PALB2: variants seen among roughly 807,000 people sequenced by gnomAD.
PALB2 encodes partner and localizer of BRCA2, also known as mutant partner and localizer of BRCA2.
PALB2 carries 82 observed loss-of-function variants against 107.4 expected under a neutral mutation model. The ratio of observed to expected loss-of-function variants is 0.76; its 90% CI spans 0.64 to 0.92. The LOEUF is 0.92. Among genes scored for constraint, PALB2 ranks in the 40% least tolerant of loss-of-function variants. The pLI is 0.00. For synonymous variants in PALB2, 489 were observed against 496.8 expected, an observed-to-expected ratio of 0.98 and a Z score of 0.21; for missense variants, 1,374 against 1,379.9, an observed-to-expected ratio of 1.00 and a Z score of 0.07.
At chr16:23,621,825 G>C (rs992713420) in intron 9 of PALB2, among the ~76,000 whole-genome samples, 3 of 151,992 alleles carry the variant, frequency 2.0e-5, no homozygotes, top group South Asian at 2.1e-4. Context: ...CACCTAGACT[G>C]GGGGGAAGGA....
At position 23,634,949 on chromosome 16, in the gene PALB2, T is replaced by C. The variant is rs1393117824; in HGVS notation, c.1597A>G (p.Thr533Ala). The C allele has an allele frequency of 4.3e-6, 7 of 1,614,064 alleles. No individual in the cohort carries two copies. The highest frequency in any genetic ancestry group is 1.1e-5 in the South Asian group (1 of 91,092). Residue 533 changes from threonine to alanine, a missense_variant, in exon 4 of 13, where the codon ACT (threonine) becomes GCT (alanine). Physicochemically the swap from Thr to Ala is moderately conservative, Grantham distance 58. Transcript: ENST00000261584. ...CTGTTAACAATCGACAGGCTAGAAG[T>C]TGGCAAAAGTGGTTCACAATGATCT... ...ASDHCEPLLP[T>A]SSLSIVNRSK...
chr16:23,629,524 C>T (rs944184327), intron 5 of PALB2, 116 bp downstream of exon 5: 5 of 1,046,018 alleles, frequency 4.8e-6, no homozygotes, highest in Non-Finnish European at 7.3e-6. Context: ...ATCAAAGAAA[C>T]ACGTCAAACC....
chr16:23,621,103 G>A (rs1344345508), intron 10 of PALB2, among the ~76,000 whole-genome samples: 1 of 152,112 alleles, frequency 6.6e-6, no homozygotes, highest in Non-Finnish European at 1.5e-5. Flanking sequence ...CCAGCTACTC[G>A]GGAGGCTGAG....
At chr16:23,614,881 A>T (rs1229087652) in intron 10 of PALB2, among the ~76,000 whole-genome samples, 1 of 147,998 alleles carries the variant, frequency 6.8e-6, no homozygotes, top group African/African-American at 2.5e-5. Flanking sequence ...TGATCTCCTG[A>T]CCTCGTGATC....
chr16:23,630,521 C>G (rs1221707621), intron 4 of PALB2, 52 bp from the exon 5 acceptor site: 3 of 1,352,504 alleles, frequency 2.2e-6, no homozygotes, highest in Non-Finnish European at 3.1e-6. Context: ...ACAAAACAGA[C>G]AATCTGTTTC....
At chr16:23,628,096 C>T (rs1040326548) in intron 6 of PALB2, among the ~76,000 whole-genome samples, 2 of 152,122 alleles carry the variant, frequency 1.3e-5, no homozygotes, top group African/African-American at 4.8e-5. Context: ...TGGTGGCGCA[C>T]ACTTGTAATC....
chr16:23,629,946 G>A lies in PALB2; in HGVS notation c.2208C>T (p.Ala736=), dbSNP rs369113809. The change falls in exon 5 of 13, where the codon GCC becomes GCT. Residue 736 remains alanine (A), a synonymous_variant. Coordinates refer to ENST00000261584, the MANE Select transcript of PALB2 (RefSeq NM_024675.4). ...TTTCATAGGAGCCTTGAGGGCCAAA[G>A]GCTGGAGTAGTACCTAAGATGGGGA... is the stretch of plus-strand genomic sequence containing the variant. ...PAFPILGTTP[A]FGPQGSYEKA... The A allele has an allele frequency of 6.2e-7, 1 of 1,614,082 alleles. No homozygotes were observed. Among genetic ancestry groups the A allele is most frequent in the African/African-American group, 1.3e-5 (1 of 74,924 alleles).
chr16:23,607,678 G>A (rs138896369), intron 12 of PALB2, among the ~76,000 whole-genome samples, 186 bp downstream of exon 12: 2 of 152,236 alleles, frequency 1.3e-5, no homozygotes, highest in African/African-American at 4.8e-5. Flanking sequence ...TAGAGATCAG[G>A]ATGCAGGGAA....
intron 9 of PALB2, among the ~76,000 whole-genome samples, chr16:23,622,195 T>G (rs962758371): frequency 1.4e-4 from 22 of 152,084 alleles, no homozygotes; most frequent in African/African-American, 5.1e-4. Context: ...TTTGCAACAT[T>G]TTGAATTTAA....
intron 10 of PALB2, among the ~76,000 whole-genome samples, chr16:23,620,287 GTTCT>G (rs533618182): frequency 1.5e-3 from 236 of 152,282 alleles, no homozygotes; most frequent in South Asian, 3.3e-3. Flanking sequence ...AGAATTTAGG[GTTCT>G]TTTTTTTATT....
chr16:23,641,293 C>G lies in PALB2; in HGVS notation c.-136G>C. 8.2e-7 allele frequency: 1 copy of G among 1,213,898 alleles called. No individual in the cohort carries two copies. The highest frequency in any genetic ancestry group is 1.2e-6 in the Non-Finnish European group (1 of 855,572). 75.2% of individuals were successfully genotyped at this position (1,213,898 alleles called of 1,614,324 possible). A position where few individuals can be genotyped will look rare whatever the true frequency, so the allele number is the denominator to read the frequency against. On this transcript the variant is annotated 5_prime_UTR_variant, in exon 1 of 13. Transcript: ENST00000261584. ...CGGGATCGCACCCTCAGTGCGCGATCAGCTGACCCACGCGGGCCAAGCGCG... is the reference window on the plus strand; with the variant it reads ...CGGGATCGCACCCTCAGTGCGCGATGAGCTGACCCACGCGGGCCAAGCGCG...
At chr16:23,604,291 G>C (rs779224441) in intron 12 of PALB2, among the ~76,000 whole-genome samples, 2 of 152,192 alleles carry the variant, frequency 1.3e-5, no homozygotes, top group Non-Finnish European at 2.9e-5. Context: ...AGCTACCTGG[G>C]TTTAAATTCT....
At chr16:23,613,092 T>C (rs1391013639) in intron 11 of PALB2, among the ~76,000 whole-genome samples, 3 of 152,124 alleles carry the variant, frequency 2.0e-5, no homozygotes, top group African/African-American at 7.2e-5. Flanking sequence ...GCACAAAGTA[T>C]ATAATGATCA....
intron 4 of PALB2, among the ~76,000 whole-genome samples, chr16:23,634,639 T>TTTTATATATTTA (rs1966938232): frequency 6.8e-6 from 1 of 146,788 alleles, no homozygotes. Flanking sequence ...GTCTCTTTAT[T>TTTTATATATTTA]TTTATTTATT....
rs1435563021 is a variant in PALB2 at position 23,636,350 on chromosome 16, A to C, written c.212-16T>G. 2 of 1,524,584 alleles carry C rather than the reference A, an allele frequency of 1.3e-6. No homozygotes were observed. 94.4% of individuals were successfully genotyped at this position (1,524,584 alleles called of 1,614,324 possible). Reference sequence around the variant, plus strand: ...TTTTTAGGTTCTGAGGAGGAAAAAAATGTATATAACTTATATTTTTCTTAT... The same window carrying C: ...TTTTTAGGTTCTGAGGAGGAAAAAACTGTATATAACTTATATTTTTCTTAT... On this transcript the variant is annotated splice_polypyrimidine_tract_variant and intron_variant, in intron 3 of 12. Transcript: ENST00000261584.
chr16:23,629,191 A>C lies in PALB2; in HGVS notation c.2586+13T>G. On this transcript the variant is annotated intron_variant, in intron 6 of 12. Transcript: ENST00000261584. Reference sequence around the variant, plus strand: ...GTAAGACACGAGACACTGGAAGAGAATATTCTTCTGACCTTTAACTCTGAA... The same window carrying C: ...GTAAGACACGAGACACTGGAAGAGACTATTCTTCTGACCTTTAACTCTGAA... 6 of 1,598,648 alleles carry C rather than the reference A, an allele frequency of 3.8e-6. No homozygotes were observed. The highest frequency in any genetic ancestry group is 5.1e-6 in the Non-Finnish European group (6 of 1,166,406).
chr16:23,633,759 A>C (rs1167765689), intron 4 of PALB2, among the ~76,000 whole-genome samples: 1 of 152,070 alleles, frequency 6.6e-6, no homozygotes, highest in African/African-American at 2.4e-5. Flanking sequence ...ACTGGAGTGC[A>C]GTGGTGCAAT....
intron 5 of PALB2, 143 bp downstream of exon 5, chr16:23,629,497 G>T: frequency 1.1e-6 from 1 of 945,852 alleles, no homozygotes; most frequent in Non-Finnish European, 1.7e-6. Flanking sequence ...TGAACTTAAT[G>T]ATTACAATGA....
Position 23,603,302 on chromosome 16 carries a change from T to C in PALB2, c.*157A>G, listed in dbSNP as rs1966391274. The C allele has an allele frequency of 1.6e-6, 1 of 642,310 alleles. No individual in the cohort carries two copies. Among genetic ancestry groups the C allele is most frequent in the Non-Finnish European group, 2.7e-6 (1 of 367,760 alleles). 39.8% of individuals were successfully genotyped at this position (642,310 alleles called of 1,614,324 possible). Reference sequence around the variant, plus strand: ...TACATAAATGTACATCCAAGATCAGTGGTGCTACCATCATTAGAATAAAAA... The same window carrying C: ...TACATAAATGTACATCCAAGATCAGCGGTGCTACCATCATTAGAATAAAAA... On this transcript the variant is annotated 3_prime_UTR_variant, in exon 13 of 13. Transcript: ENST00000261584.
Sources: gnomAD v4.1 joint callset for allele counts (sites outside exome capture counted in the v4.1 genomes callset) on GRCh38, gnomAD v4.1.1 for gene constraint, MANE v1.5 for transcripts, NCBI Gene and HGNC (gene_info 2026-07-23, HGNC 2026-07-21) for gene names.